Variants in TRDN observed in about 807,000 individuals in gnomAD.
TRDN encodes triadin in skeletal muscle.
A neutral mutation model predicts 149.7 loss-of-function variants in TRDN; 161 were observed. The observed-to-expected ratio is 1.08, with a 90% CI of 0.95 to 1.23. The LOEUF (loss-of-function observed/expected upper bound fraction) is 1.23, where lower values mean the gene tolerates loss of function less well. Among genes scored for constraint, TRDN ranks in the 50% most tolerant of loss-of-function variants. The pLI, the probability that TRDN is intolerant of heterozygous loss-of-function variation, is 0.00. For synonymous variants in TRDN, 294 were observed against 250.5 expected (o/e 1.17, Z -1.64); for missense variants, 896 against 823.5 (o/e 1.09, Z -1.08).
intron 24 of TRDN, among the ~76,000 whole-genome samples, chr6:123,280,652 C>CTT (rs34195939): frequency 0.013 from 1,815 of 135,416 alleles, 26 homozygotes; most frequent in African/African-American, 0.033. Flanking sequence ...TCTTTTCTTT[C>CTT]TTTTTTTTTT....
At chr6:123,477,384 G>T (rs1283775461) in intron 9 of TRDN, among the ~76,000 whole-genome samples, 1 of 148,014 alleles carries the variant, frequency 6.8e-6, no homozygotes, top group African/African-American at 2.5e-5. Context: ...CAGTTAGAAT[G>T]GCAATCATTA....
chr6:123,386,818 G>C (rs2114437582), intron 14 of TRDN, among the ~76,000 whole-genome samples: 1 of 152,246 alleles, frequency 6.6e-6, no homozygotes, highest in Non-Finnish European at 1.5e-5. Context: ...TTTTTGGTGT[G>C]TGGGGCAACA....
intron 12 of TRDN, among the ~76,000 whole-genome samples, chr6:123,407,146 C>T (rs761175484): frequency 5.9e-5 from 9 of 152,060 alleles, no homozygotes; most frequent in Non-Finnish European, 8.8e-5. Context: ...TGAGCATGAC[C>T]GGGCAAGCTA....
chr6:123,360,520 A>G (rs1467053169), intron 20 of TRDN, among the ~76,000 whole-genome samples: 3 of 152,190 alleles, frequency 2.0e-5, no homozygotes, highest in African/African-American at 7.2e-5. Context: ...ATCTAGTAAC[A>G]TAAGGATGGA....
intron 5 of TRDN, among the ~76,000 whole-genome samples, chr6:123,526,249 G>A (rs142227782): frequency 1.3e-3 from 193 of 152,060 alleles, no homozygotes; most frequent in African/African-American, 4.4e-3. Context: ...ATCAGGCTAC[G>A]TGGCACACAG....
chr6:123,635,955 T>A (rs1476960785), intron 1 of TRDN, among the ~76,000 whole-genome samples: 1 of 151,808 alleles, frequency 6.6e-6, no homozygotes, highest in Admixed American at 6.6e-5. Context: ...AACCATCAAA[T>A]AGAAGATATG....
intron 4 of TRDN, among the ~76,000 whole-genome samples, chr6:123,533,848 A>G (rs768345987): frequency 4.6e-5 from 7 of 152,128 alleles, no homozygotes; most frequent in Non-Finnish European, 7.4e-5. Flanking sequence ...ATGCTTCATA[A>G]TAAGTTTTAC....
At chr6:123,527,740 A>C (rs1013884927) in intron 5 of TRDN, among the ~76,000 whole-genome samples, 7 of 151,908 alleles carry the variant, frequency 4.6e-5, no homozygotes, top group African/African-American at 1.7e-4. Flanking sequence ...ATTACTATAT[A>C]AATTCAGAAC....
intron 1 of TRDN, among the ~76,000 whole-genome samples, chr6:123,586,353 G>A (rs1562408319): frequency 6.6e-6 from 1 of 152,054 alleles, no homozygotes; most frequent in Non-Finnish European, 1.5e-5. Flanking sequence ...GGAGGGGAGA[G>A]GTCAGATGTG....
intron 12 of TRDN, among the ~76,000 whole-genome samples, chr6:123,409,394 G>A (rs909109597): frequency 1.1e-4 from 17 of 152,122 alleles, no homozygotes; most frequent in African/African-American, 2.9e-4. Context: ...GAAAGGTCAC[G>A]CTTTGAATCT....
chr6:123,628,929 A>G (rs947441657), intron 1 of TRDN, among the ~76,000 whole-genome samples: 33 of 152,144 alleles, frequency 2.2e-4, no homozygotes, highest in African/African-American at 7.2e-4. Context: ...TATATTTCAG[A>G]TGGAGGTAAC....
At chr6:123,237,505 C>T (rs13191027) in intron 38 of TRDN, among the ~76,000 whole-genome samples, 7 of 152,168 alleles carry the variant, frequency 4.6e-5, no homozygotes, top group Middle Eastern at 3.2e-3. Context: ...GCCTCAGCCT[C>T]CCAAACTGCT....
intron 9 of TRDN, among the ~76,000 whole-genome samples, chr6:123,482,094 T>G (rs1777775055): frequency 6.6e-6 from 1 of 152,210 alleles, no homozygotes; most frequent in Non-Finnish European, 1.5e-5. Flanking sequence ...TTTCTGTTTT[T>G]TGGCTCCTAC....
At chr6:123,511,342 C>T (rs189923172) in intron 7 of TRDN, among the ~76,000 whole-genome samples, 1 of 152,034 alleles carries the variant, frequency 6.6e-6, no homozygotes, top group Non-Finnish European at 1.5e-5. Context: ...TTGGAATGTT[C>T]CCAATGCAAA....
intron 12 of TRDN, among the ~76,000 whole-genome samples, chr6:123,395,105 TG>T (rs1300698369): frequency 6.6e-6 from 1 of 152,190 alleles, no homozygotes; most frequent in African/African-American, 2.4e-5. Flanking sequence ...TACTGCAATT[TG>T]TAATTAAATT....
chr6:123,322,667 G>C (rs1455345043), intron 23 of TRDN, among the ~76,000 whole-genome samples: 2 of 146,718 alleles, frequency 1.4e-5, no homozygotes, highest in East Asian at 4.0e-4. Flanking sequence ...TTTTGAGACG[G>C]AGTCTCACTG....
intron 33 of TRDN, among the ~76,000 whole-genome samples, chr6:123,261,285 T>G (rs1344975488): frequency 1.3e-5 from 2 of 151,926 alleles, no homozygotes; most frequent in African/African-American, 4.8e-5. Context: ...TAAAGTAGCT[T>G]CATTTATAAG....
At chr6:123,308,746 C>T (rs1562255364) in intron 24 of TRDN, among the ~76,000 whole-genome samples, 1 of 151,930 alleles carries the variant, frequency 6.6e-6, no homozygotes, top group East Asian at 1.9e-4. Context: ...GTCATCAACA[C>T]CTATTATTTT....
At chr6:123,570,854 C>A in intron 2 of TRDN, 69 bp downstream of exon 2, 1 of 1,435,882 alleles carries the variant, frequency 7.0e-7, no homozygotes, top group South Asian at 1.2e-5. Flanking sequence ...CAAGCAGGAA[C>A]TGGAGGGGAC....
Sources: allele counts gnomAD v4.1 joint callset (sites outside exome capture counted in the v4.1 genomes callset), GRCh38; gene constraint gnomAD v4.1.1; transcripts MANE v1.5; gene names NCBI Gene and HGNC (gene_info 2026-07-23, HGNC 2026-07-21).